Variants in E2F5 observed in about 807,000 individuals in gnomAD.
E2F5 encodes the protein transcription factor E2F5.
In E2F5, 23 loss-of-function variants were observed where a neutral mutation model predicts 39.1. The observed-to-expected ratio is 0.59, with a 90% CI of 0.42 to 0.83. E2F5 has a LOEUF of 0.83. E2F5 is among the 40% of genes least tolerant of loss of function. E2F5 has a pLI of 0.00. For missense variants in E2F5, 365 were observed against 406.7 expected (o/e 0.90, Z 0.88); for synonymous variants, 145 against 157.8 (o/e 0.92, Z 0.61).
intron 5 of E2F5, among the ~76,000 whole-genome samples, chr8:85,207,763 C>A (rs1043084669): frequency 2.0e-5 from 3 of 151,898 alleles, no homozygotes; most frequent in Admixed American, 6.6e-5. Context: ...AAAAAGTAAT[C>A]AGAATGCTTT....
intron 7 of E2F5, chr8:85,212,688 G>T (rs1452776636): frequency 6.6e-6 from 1 of 152,396 alleles, no homozygotes; most frequent in African/African-American, 2.4e-5. Context: ...CTCTCCTTCT[G>T]TAAGTTCTTG....
At chr8:85,203,401 A>G (rs1812734196) in intron 3 of E2F5, 146 bp downstream of exon 3, 2 of 523,062 alleles carry the variant, frequency 3.8e-6, no homozygotes, top group Non-Finnish European at 5.8e-6. Flanking sequence ...ATATTCTTAT[A>G]TACTAATATT....
chr8:85,190,872 A>G (rs1812447144), intron 1 of E2F5, among the ~76,000 whole-genome samples: 1 of 152,142 alleles, frequency 6.6e-6, no homozygotes, highest in Admixed American at 6.5e-5. Context: ...TCAAAGTGGA[A>G]GAAGGAAGAA....
chr8:85,198,986 C>A (rs1812637688), intron 1 of E2F5, among the ~76,000 whole-genome samples: 1 of 152,088 alleles, frequency 6.6e-6, no homozygotes, highest in African/African-American at 2.4e-5. Context: ...AAACTGAAGT[C>A]ATTTCTGATT....
chr8:85,186,179 G>GT (rs1353074001), intron 1 of E2F5, among the ~76,000 whole-genome samples: 1 of 152,094 alleles, frequency 6.6e-6, no homozygotes, highest in Non-Finnish European at 1.5e-5. Flanking sequence ...CTATGCAGCC[G>GT]TAAGAAAGGA....
intron 1 of E2F5, among the ~76,000 whole-genome samples, chr8:85,200,954 C>A (rs1254479075): frequency 1.3e-5 from 2 of 152,202 alleles, no homozygotes; most frequent in African/African-American, 4.8e-5. Context: ...TCTCCTGGTC[C>A]ACTGAGGCAT....
chr8:85,189,755 G>A (rs997771233), intron 1 of E2F5, among the ~76,000 whole-genome samples: 3 of 152,024 alleles, frequency 2.0e-5, no homozygotes, highest in African/African-American at 7.2e-5. Flanking sequence ...CTTATTAGTA[G>A]GTATATAAGT....
intron 1 of E2F5, 124 bp from the exon 2 acceptor site, chr8:85,202,023 C>A (rs1397993821): frequency 8.3e-6 from 6 of 725,152 alleles, no homozygotes; most frequent in Non-Finnish European, 1.4e-5. Context: ...CAGCTATTGT[C>A]CCCAAGCAAC....
chr8:85,188,623 A>C (rs1199460335), intron 1 of E2F5, among the ~76,000 whole-genome samples: 3 of 152,168 alleles, frequency 2.0e-5, no homozygotes, highest in Admixed American at 1.3e-4. Flanking sequence ...TGGACTGCTG[A>C]CATCAGCCTG....
intron 1 of E2F5, among the ~76,000 whole-genome samples, chr8:85,179,418 A>G (rs1474865058): frequency 3.3e-5 from 5 of 152,202 alleles, no homozygotes; most frequent in Admixed American, 6.5e-5. Context: ...CAGAAGTCAC[A>G]GAGGCAGTGA....
At chr8:85,185,373 G>GA (rs1158722399) in intron 1 of E2F5, among the ~76,000 whole-genome samples, 2 of 152,092 alleles carry the variant, frequency 1.3e-5, no homozygotes, top group African/African-American at 4.8e-5. Context: ...CAAGATGGAT[G>GA]AAAGACTTAA....
chr8:85,180,737 C>G (rs1812194708), intron 1 of E2F5, among the ~76,000 whole-genome samples: 1 of 150,372 alleles, frequency 6.7e-6, no homozygotes, highest in Non-Finnish European at 1.5e-5. Flanking sequence ...GCCATCACGC[C>G]CGGCTAATTT....
intron 1 of E2F5, among the ~76,000 whole-genome samples, chr8:85,184,384 T>C (rs1023950342): frequency 6.6e-6 from 1 of 152,144 alleles, no homozygotes; most frequent in African/African-American, 2.4e-5. Context: ...ATAAGGCTAT[T>C]TATGACAAAT....
At chr8:85,190,547 A>AGGTTGAAG (rs1397980293) in intron 1 of E2F5, among the ~76,000 whole-genome samples, 6 of 111,694 alleles carry the variant, frequency 5.4e-5, no homozygotes, top group African/African-American at 2.1e-4. Context: ...TCTGTCACCC[A>AGGTTGAAG]GGTTGAAGTG....
chr8:85,207,598 A>G (rs1812825749), intron 5 of E2F5, 109 bp downstream of exon 5: 5 of 835,936 alleles, frequency 6.0e-6, no homozygotes, highest in East Asian at 2.9e-5. Flanking sequence ...ACTGTGAGTT[A>G]GTCAAGTTTT....
At chr8:85,182,571 C>G (rs1468464537) in intron 1 of E2F5, among the ~76,000 whole-genome samples, 2 of 152,188 alleles carry the variant, frequency 1.3e-5, no homozygotes, top group East Asian at 1.9e-4. Context: ...GAAGGAGGTA[C>G]TGTGCTCCTG....
At chr8:85,192,987 A>T (rs548826016) in intron 1 of E2F5, among the ~76,000 whole-genome samples, 1 of 152,258 alleles carries the variant, frequency 6.6e-6, no homozygotes, top group Non-Finnish European at 1.5e-5. Flanking sequence ...TAAAGCACTT[A>T]AACAGTATCT....
At chr8:85,202,948 T>C (rs528732056) in intron 2 of E2F5, 146 bp from the exon 3 acceptor site, 1 of 548,572 alleles carries the variant, frequency 1.8e-6, no homozygotes, top group East Asian at 3.9e-5. Flanking sequence ...GTTTAAAATT[T>C]TTAAGGATTT....
chr8:85,196,912 A>G (rs1812593937), intron 1 of E2F5, among the ~76,000 whole-genome samples: 1 of 152,220 alleles, frequency 6.6e-6, no homozygotes, highest in Admixed American at 6.5e-5. Context: ...AATTAGTCCA[A>G]ACCTCATCAT....
Sources: gnomAD v4.1 joint callset for allele counts (sites outside exome capture counted in the v4.1 genomes callset) on GRCh38, gnomAD v4.1.1 for gene constraint, MANE v1.5 for transcripts, NCBI Gene and HGNC (gene_info 2026-07-23, HGNC 2026-07-21) for gene names.